CACNB4: variants seen among roughly 807,000 people sequenced by gnomAD.
The protein encoded by CACNB4 is calcium voltage-gated channel auxiliary subunit beta 4.
A neutral mutation model predicts 71.2 loss-of-function variants in CACNB4; 32 were observed. The observed-to-expected ratio is 0.45, with a 90% confidence interval of 0.34 to 0.60. The LOEUF (loss-of-function observed/expected upper bound fraction) is 0.60, where lower values mean the gene tolerates loss of function less well. CACNB4 is among the 20% of genes least tolerant of loss of function. The pLI is 0.01. For synonymous variants in CACNB4, 231 were observed against 236.9 expected, an observed-to-expected ratio of 0.97 and a Z score of 0.23; for missense variants, 464 against 647.9, an observed-to-expected ratio of 0.72 and a Z score of 3.08.
At chr2:152,060,148 A>C (rs1224596360) in intron 2 of CACNB4, among the ~76,000 whole-genome samples, 1 of 152,202 alleles carries the variant, frequency 6.6e-6, no homozygotes, top group African/African-American at 2.4e-5. Flanking sequence ...AAATGGACTA[A>C]TACAATGTTA....
intron 2 of CACNB4, among the ~76,000 whole-genome samples, chr2:151,989,469 T>C (rs1436037290): frequency 1.3e-5 from 2 of 152,252 alleles, no homozygotes; most frequent in African/African-American, 4.8e-5. Flanking sequence ...CTGACACTAT[T>C]GACCTTTCTC....
At chr2:152,095,445 T>A (rs947638904) in intron 2 of CACNB4, among the ~76,000 whole-genome samples, 10 of 148,846 alleles carry the variant, frequency 6.7e-5, no homozygotes, top group Non-Finnish European at 1.3e-4. Flanking sequence ...AACACATCGA[T>A]TTTTTTTTTA....
rs2105505912 is a variant in CACNB4 at position 152,098,772 on chromosome 2, G to A, written c.63+177C>T. 3 of 1,228,746 alleles carry A rather than the reference G, an allele frequency of 2.4e-6. No individual in the cohort carries two copies. Among genetic ancestry groups the A allele is most frequent in the South Asian group, 1.4e-5 (1 of 70,958 alleles). The allele number at this position is 1,228,746 out of a possible 1,614,324, so 76.1% of individuals were successfully genotyped here. A position where few individuals can be genotyped will look rare whatever the true frequency, so the allele number is the denominator to read the frequency against. On this transcript the variant is annotated intron_variant, in intron 1 of 13. Transcript: ENST00000539935. This position sits in a 1 kb window ranked among gnomAD's most constrained non-coding sequence, Gnocchi z 5.3. ...AGGAGGAGGAGGAAGAGAAGGAGGAGAAAGAGGAGGAGCGGGAGGAGAAAG... is the reference window on the plus strand; with the variant it reads ...AGGAGGAGGAGGAAGAGAAGGAGGAAAAAGAGGAGGAGCGGGAGGAGAAAG...
chr2:151,999,411 T>C (rs1312809145), intron 2 of CACNB4, among the ~76,000 whole-genome samples: 1 of 151,030 alleles, frequency 6.6e-6, no homozygotes, highest in East Asian at 1.9e-4. Context: ...TTTGGGGGAA[T>C]CATTTCAGTG....
At chr2:151,919,681 C>T (rs2099858425) in intron 2 of CACNB4, among the ~76,000 whole-genome samples, 2 of 152,140 alleles carry the variant, frequency 1.3e-5, no homozygotes, top group South Asian at 4.1e-4. Flanking sequence ...GCCCTGTTTA[C>T]CTCTCCTTTT....
At chr2:151,905,058 A>C (rs2099854450) in intron 2 of CACNB4, among the ~76,000 whole-genome samples, 1 of 152,220 alleles carries the variant, frequency 6.6e-6, no homozygotes, top group African/African-American at 2.4e-5. Context: ...AACAAGGTCC[A>C]GCTCATTTTG....
intron 2 of CACNB4, among the ~76,000 whole-genome samples, chr2:152,050,710 T>C (rs1385623535): frequency 6.6e-6 from 1 of 152,036 alleles, no homozygotes; most frequent in Admixed American, 6.5e-5. Context: ...AGCAAGACTC[T>C]GTCTCTAAAA....
chr2:152,025,393 C>T (rs1173568313), intron 2 of CACNB4, among the ~76,000 whole-genome samples: 2 of 152,342 alleles, frequency 1.3e-5, no homozygotes, highest in African/African-American at 4.8e-5. Flanking sequence ...CATTTTCTCT[C>T]AAACTGTCTA....
In CACNB4 at chr2:152,098,564, G is replaced by GCCGCC; in HGVS notation, c.64-152_64-151insGGCGG. 7.5e-6 allele frequency: 7 copies of GCCGCC among 931,268 alleles called. No homozygotes were observed. Among genetic ancestry groups the GCCGCC allele is most frequent in the Non-Finnish European group, 1.2e-5 (7 of 583,194 alleles). The allele number at this position is 931,268 out of a possible 1,614,324, so 57.7% of individuals were successfully genotyped here. On this transcript the variant is annotated intron_variant, in intron 1 of 13. Transcript: ENST00000539935. This position sits in a 1 kb window ranked among gnomAD's most constrained non-coding sequence, Gnocchi z 5.3. ...GTCTCCTCCGCGACTCCCAAATACA[G>GCCGCC]CCCCCACCCCCACCCACCCACTGCA... is the stretch of plus-strand genomic sequence containing the variant.
At chr2:151,933,667 G>A (rs1293172692) in intron 2 of CACNB4, among the ~76,000 whole-genome samples, 1 of 152,118 alleles carries the variant, frequency 6.6e-6, no homozygotes, top group Non-Finnish European at 1.5e-5. Flanking sequence ...AGGCCCAGAA[G>A]GTGGTGCCAT....
rs796161186 is a variant in CACNB4, at chr2:152,035,651, C to CTCTCTCTCTCTCTATATATATATA, written c.147+62678_147+62679insTATATATATATAGAGAGAGAGAGA. Among the ~76,000 whole-genome samples the CTCTCTCTCTCTCTATATATATATA allele has an allele frequency of 2.1e-4, 25 of 118,066 alleles. 1 individual carries two copies. Among genetic ancestry groups the CTCTCTCTCTCTCTATATATATATA allele is most frequent in the African/African-American group, 8.3e-4 (23 of 27,586 alleles). 77.5% of individuals were successfully genotyped at this position (118,066 alleles called of 152,430 possible). On this transcript the variant is annotated intron_variant, in intron 2 of 13. Coordinates refer to ENST00000539935, the MANE Select transcript of CACNB4 (RefSeq NM_000726.5). ...TCTCCCTCTCTCTCTCTCTCTCTCT[C>CTCTCTCTCTCTCTATATATATATA]TATATATATATATATATGTATGTAT...
intron 10 of CACNB4, chr2:151,859,773 C>T (rs2099841175): frequency 6.6e-6 from 1 of 152,204 alleles, no homozygotes; most frequent in African/African-American, 2.4e-5. Context: ...ATGCCAATCC[C>T]ATGTCAGGAA....
intron 2 of CACNB4, among the ~76,000 whole-genome samples, chr2:151,892,188 G>A (rs1578669419): frequency 6.6e-6 from 1 of 152,172 alleles, no homozygotes; most frequent in Admixed American, 6.5e-5. Flanking sequence ...TTCTGGAAAA[G>A]TGATTGACTG....
At chr2:152,085,399 T>C (rs1346450106) in intron 2 of CACNB4, among the ~76,000 whole-genome samples, 1 of 152,148 alleles carries the variant, frequency 6.6e-6, no homozygotes, top group Non-Finnish European at 1.5e-5. Flanking sequence ...GCTGGGAACA[T>C]TTATCTTTTT....
chr2:151,895,538 G>A (rs191926301), intron 2 of CACNB4, among the ~76,000 whole-genome samples: 1 of 152,040 alleles, frequency 6.6e-6, no homozygotes, highest in Non-Finnish European at 1.5e-5. Context: ...TATACTAGAG[G>A]AAGGAAACAG....
At chr2:151,935,000 T>C (rs1420339621) in intron 2 of CACNB4, among the ~76,000 whole-genome samples, 1 of 152,226 alleles carries the variant, frequency 6.6e-6, no homozygotes, top group Non-Finnish European at 1.5e-5. Flanking sequence ...CAAGTAAAGG[T>C]AGCAGTGATG....
chr2:152,096,109 T>C (rs576983172), intron 2 of CACNB4, among the ~76,000 whole-genome samples: 1 of 152,356 alleles, frequency 6.6e-6, no homozygotes, highest in Admixed American at 6.5e-5. Context: ...GTTATTTTTA[T>C]TGTAGCCAAT....
chr2:151,916,096 A>G (rs1423882082), intron 2 of CACNB4, among the ~76,000 whole-genome samples: 1 of 143,318 alleles, frequency 7.0e-6, no homozygotes, highest in African/African-American at 2.5e-5. Flanking sequence ...CTTTGATGAG[A>G]GAACCTGGAT....
At chr2:151,853,975 C>CA (rs2099839653) in intron 11 of CACNB4, 1 of 155,256 alleles carries the variant, frequency 6.4e-6, no homozygotes, top group African/African-American at 2.4e-5. Flanking sequence ...ATTAATGGGA[C>CA]ATTTCAGTTT....
Sources: gnomAD v4.1 joint callset for allele counts (sites outside exome capture counted in the v4.1 genomes callset) on GRCh38, gnomAD v4.1.1 for gene constraint, Gnocchi (gnomAD v3.1) non-coding constraint, MANE v1.5 for transcripts, NCBI Gene and HGNC (gene_info 2026-07-23, HGNC 2026-07-21) for gene names.